VAV2: variants seen among roughly 807,000 people sequenced by gnomAD.
VAV2 encodes guanine nucleotide exchange factor VAV2.
A neutral mutation model predicts 132.5 loss-of-function variants in VAV2; 67 were observed. That is an observed-to-expected ratio of 0.51 (90% CI 0.42 to 0.62). The LOEUF (loss-of-function observed/expected upper bound fraction) is 0.62. Among genes scored for constraint, VAV2 ranks in the 20% least tolerant of loss-of-function variants. The pLI is 0.00. For synonymous variants in VAV2, 492 were observed against 443.5 expected (o/e 1.11, Z -1.37); for missense variants, 938 against 1,153.6 (o/e 0.81, Z 2.71).
chr9:133,766,644 T>A (rs1833441532), intron 29 of VAV2, among the ~76,000 whole-genome samples: 1 of 151,624 alleles, frequency 6.6e-6, no homozygotes, highest in African/African-American at 2.4e-5. Flanking sequence ...TTAGGAGACA[T>A]ACCTAATGTA....
chr9:133,820,991 G>A (rs999632391), intron 4 of VAV2, among the ~76,000 whole-genome samples: 2 of 152,208 alleles, frequency 1.3e-5, no homozygotes, highest in Admixed American at 6.5e-5. Flanking sequence ...GGGAGGGGCC[G>A]GGCTGTCGTG....
chr9:133,976,987 A>G (rs625958), intron 1 of VAV2, among the ~76,000 whole-genome samples: 89,987 of 152,104 alleles, frequency 0.59, 27,707 homozygotes, highest in Middle Eastern at 0.76. Flanking sequence ...GGACACCCCA[A>G]GGCTGAAGGG....
intron 2 of VAV2, among the ~76,000 whole-genome samples, chr9:133,927,064 C>G (rs572964542): frequency 5.3e-5 from 8 of 152,050 alleles, no homozygotes; most frequent in Non-Finnish European, 1.0e-4. Flanking sequence ...TTTACTCAGG[C>G]TGAGTCCCCC....
intron 21 of VAV2, among the ~76,000 whole-genome samples, chr9:133,779,170 G>A (rs1833917759): frequency 6.6e-6 from 1 of 152,240 alleles, no homozygotes; most frequent in African/African-American, 2.4e-5. Flanking sequence ...CAGATCTGTG[G>A]CCCACAGGCA....
chr9:133,818,602 C>T (rs972615554), intron 4 of VAV2, among the ~76,000 whole-genome samples: 2 of 152,164 alleles, frequency 1.3e-5, no homozygotes, highest in Non-Finnish European at 2.9e-5. Context: ...CACTGGCTTT[C>T]CTGGGTCTCC....
chr9:133,824,243 C>T lies in VAV2; in HGVS notation c.449+10029G>A, dbSNP rs1481108123. ...AGGGAGCTCCCGCCCAGCAGTCCCA[C>T]AGCCACCTCCCGACGGGGACTGGGC... On this transcript the variant is annotated intron_variant, in intron 4 of 29. Coordinates refer to ENST00000371850, the MANE Select transcript of VAV2 (RefSeq NM_001134398.2). This position sits in a 1 kb window ranked among gnomAD's most constrained non-coding sequence, Gnocchi z 5.2. 6.6e-6 allele frequency among the ~76,000 whole-genome samples: 1 copy of T among 152,196 alleles called. No homozygotes were observed. The highest frequency in any genetic ancestry group is 1.5e-5 in the Non-Finnish European group (1 of 68,038).
At chr9:133,781,948 C>A (rs1182239324) in intron 19 of VAV2, among the ~76,000 whole-genome samples, 1 of 151,976 alleles carries the variant, frequency 6.6e-6, no homozygotes, top group South Asian at 2.1e-4. Context: ...ATGGGGTGGG[C>A]GGGTGTGCGC....
Position 133,874,101 on chromosome 9 carries a change from GGCTCTCC to G in VAV2, c.322-12676_322-12670del, listed in dbSNP as rs1301095282. On this transcript the variant is annotated intron_variant, in intron 2 of 29. Transcript: ENST00000371850. ...GCTGGTGCCTCTGGCAGCAGAGCCC[GGCTCTCC>G]ACGCCGCCCTGCCCTGGAGGGCCGG... 1.2e-4 allele frequency among the ~76,000 whole-genome samples: 18 copies of G among 152,306 alleles called. No individual in the cohort carries two copies. In the East Asian group the frequency reaches 3.5e-3, roughly 29 times the overall value.
At chr9:133,881,176 C>G (rs916042700) in intron 2 of VAV2, among the ~76,000 whole-genome samples, 1 of 152,232 alleles carries the variant, frequency 6.6e-6, no homozygotes, top group African/African-American at 2.4e-5. Flanking sequence ...GGGCTTCCCA[C>G]CATACGACCC....
At chr9:133,862,984 T>G (rs1378932701) in intron 2 of VAV2, among the ~76,000 whole-genome samples, 3 of 152,158 alleles carry the variant, frequency 2.0e-5, no homozygotes, top group Non-Finnish European at 4.4e-5. Context: ...GCTGGGGTCA[T>G]GGAAGGACAG....
chr9:133,988,133 G>T (rs768637966), intron 1 of VAV2, among the ~76,000 whole-genome samples: 2 of 152,154 alleles, frequency 1.3e-5, no homozygotes, highest in Non-Finnish European at 2.9e-5. Context: ...CGGGCTAGAC[G>T]GCCTCATATG....
chr9:133,917,995 C>T (rs921868020), intron 2 of VAV2, among the ~76,000 whole-genome samples: 1 of 152,040 alleles, frequency 6.6e-6, no homozygotes, highest in Non-Finnish European at 1.5e-5. Flanking sequence ...CCAGATTCTC[C>T]TTCACTGACC....
intron 1 of VAV2, among the ~76,000 whole-genome samples, chr9:133,966,363 C>CA (rs1842140058): frequency 6.6e-6 from 1 of 152,172 alleles, no homozygotes; most frequent in Non-Finnish European, 1.5e-5. Flanking sequence ...GATAGGGGAA[C>CA]AAATCTGCAA....
At chr9:133,803,783 C>T (rs562088774) in intron 9 of VAV2, among the ~76,000 whole-genome samples, 119 of 152,288 alleles carry the variant, frequency 7.8e-4, no homozygotes, top group Non-Finnish European at 1.3e-3. Context: ...CGTGCCCTCG[C>T]TTAATAAAAG....
intron 2 of VAV2, among the ~76,000 whole-genome samples, chr9:133,915,096 C>T (rs1042685236): frequency 6.6e-6 from 1 of 152,098 alleles, no homozygotes; most frequent in Non-Finnish European, 1.5e-5. Context: ...CGGAAGAGCA[C>T]CGGCCTGTTC....
chr9:133,989,058 G>T (rs1037062147), intron 1 of VAV2, among the ~76,000 whole-genome samples: 1 of 152,048 alleles, frequency 6.6e-6, no homozygotes, highest in Admixed American at 6.5e-5. Flanking sequence ...AAAAATATAG[G>T]CTGGGTGCAG....
Position 133,763,785 on chromosome 9 carries a change from C to A in VAV2, c.*277G>T. ...GCCTCAGCCACTACCCAGAGCCTGG[C>A]TCGCAGCGCTGTCGGTGCCCCCTCC... On this transcript the variant is annotated 3_prime_UTR_variant, in exon 30 of 30. Coordinates refer to ENST00000371850, the MANE Select transcript of VAV2 (RefSeq NM_001134398.2). The surrounding 1 kb of genome is among the most constrained non-coding windows in gnomAD (Gnocchi z 6.8). 4.3e-6 allele frequency: 2 copies of A among 470,268 alleles called. No individual in the cohort carries two copies. The highest frequency in any genetic ancestry group is 4.6e-5 in the South Asian group (2 of 43,728). 29.1% of individuals were successfully genotyped at this position (470,268 alleles called of 1,614,324 possible). A position where few individuals can be genotyped will look rare whatever the true frequency, so the allele number is the denominator to read the frequency against.
chr9:133,969,263 C>G lies in VAV2; in HGVS notation c.204+22812G>C, dbSNP rs542911454. 6.6e-6 allele frequency among the ~76,000 whole-genome samples: 1 copy of G among 151,766 alleles called. No homozygotes were observed. The highest frequency in any genetic ancestry group is 1.9e-4 in the East Asian group (1 of 5,194). ...CTGCCGGATGAACTGCGGCTTCTCA[C>G]GGCTGCGCTGCTGGCATGGTAGAGA... On this transcript the variant is annotated intron_variant, in intron 1 of 29. Coordinates refer to ENST00000371850, the MANE Select transcript of VAV2 (RefSeq NM_001134398.2). This position sits in a 1 kb window ranked among gnomAD's most constrained non-coding sequence, Gnocchi z 5.1.
chr9:133,801,605 G>C (rs1050299044), intron 9 of VAV2, among the ~76,000 whole-genome samples: 1 of 152,254 alleles, frequency 6.6e-6, no homozygotes, highest in Non-Finnish European at 1.5e-5. Context: ...GCTGGTGATG[G>C]AGAGGGCCTC....
Sources: allele counts gnomAD v4.1 joint callset (sites outside exome capture counted in the v4.1 genomes callset), GRCh38; gene constraint gnomAD v4.1.1; non-coding constraint Gnocchi (gnomAD v3.1); transcripts MANE v1.5; gene names NCBI Gene and HGNC (gene_info 2026-07-23, HGNC 2026-07-21).